The following TCF12 variants were observed in gnomAD, a reference collection of about 807,000 sequenced individuals.
TCF12 encodes transcription factor 12.
A neutral mutation model predicts 86.0 loss-of-function variants in TCF12; 45 were observed. That is an observed-to-expected ratio of 0.52 (90% CI 0.41 to 0.67). The LOEUF is 0.67. Ranked by LOEUF, TCF12 falls within the 30% of genes least tolerant of loss-of-function variation. The pLI, the probability that TCF12 is intolerant of heterozygous loss-of-function variation, is 0.00. For synonymous variants in TCF12, 330 were observed against 299.6 expected, an observed-to-expected ratio of 1.10 and a Z score of -1.05; for missense variants, 881 against 859.9, an observed-to-expected ratio of 1.02 and a Z score of -0.31.
chr15:57,265,447 A>T (rs78592847), intron 18 of TCF12, among the ~76,000 whole-genome samples: 1,895 of 152,140 alleles, frequency 0.012, 18 homozygotes, highest in Non-Finnish European at 0.018. Flanking sequence ...GATTGTTTCT[A>T]CCTTGCTCCC....
At chr15:57,015,187 C>A (rs2065083273) in intron 3 of TCF12, among the ~76,000 whole-genome samples, 1 of 152,098 alleles carries the variant, frequency 6.6e-6, no homozygotes, top group African/African-American at 2.4e-5. Flanking sequence ...ACTCAGGAGG[C>A]TGAGGTGGGA....
chr15:56,961,397 G>A (rs990121835), intron 3 of TCF12, among the ~76,000 whole-genome samples: 7 of 152,266 alleles, frequency 4.6e-5, no homozygotes, highest in Non-Finnish European at 8.8e-5. Flanking sequence ...CCATTTTTAA[G>A]TATCAGGTAT....
intron 8 of TCF12, among the ~76,000 whole-genome samples, chr15:57,204,969 T>C (rs1423845420): frequency 6.6e-6 from 1 of 151,578 alleles, no homozygotes; most frequent in Admixed American, 6.6e-5. Flanking sequence ...GTGAGTAGAG[T>C]CGTATGGAAG....
intron 8 of TCF12, among the ~76,000 whole-genome samples, chr15:57,216,259 T>G (rs762766379): frequency 6.6e-6 from 1 of 152,166 alleles, no homozygotes; most frequent in Non-Finnish European, 1.5e-5. Context: ...CAGGGTCCTC[T>G]GGCATTTTCA....
intron 3 of TCF12, among the ~76,000 whole-genome samples, chr15:57,027,856 C>G (rs1341806910): frequency 2.0e-5 from 3 of 152,208 alleles, no homozygotes; most frequent in Non-Finnish European, 4.4e-5. Context: ...TGCACACGCT[C>G]TCTTGCCTGC....
chr15:56,977,239 T>G (rs527963514), intron 3 of TCF12, among the ~76,000 whole-genome samples: 146 of 152,260 alleles, frequency 9.6e-4, no homozygotes, highest in Non-Finnish European at 1.5e-3. Context: ...TTGTTTGTTT[T>G]TTTAAATAAA....
intron 3 of TCF12, among the ~76,000 whole-genome samples, chr15:57,014,323 GT>G (rs1197271144): frequency 6.6e-6 from 1 of 152,096 alleles, no homozygotes; most frequent in East Asian, 1.9e-4. Context: ...CCACTCTACA[GT>G]GGGCTGTTAG....
At chr15:56,973,934 G>C (rs752806923) in intron 3 of TCF12, among the ~76,000 whole-genome samples, 6 of 152,086 alleles carry the variant, frequency 3.9e-5, no homozygotes, top group Non-Finnish European at 4.4e-5. Context: ...ACAGGCTCAC[G>C]TTAAAGGTCA....
chr15:56,927,397 T>G (rs1301327957), intron 3 of TCF12, among the ~76,000 whole-genome samples: 7 of 152,250 alleles, frequency 4.6e-5, no homozygotes, highest in African/African-American at 1.7e-4. Context: ...ATTTCCTTTT[T>G]GTCTTTTTTT....
In TCF12 at chr15:57,252,332, T is replaced by C. The variant is rs1387210683; in HGVS notation, c.1189-89T>C. On this transcript the variant is annotated intron_variant, in intron 14 of 20. Coordinates refer to ENST00000333725, the MANE Select transcript of TCF12 (RefSeq NM_207037.2). ...TGGCGTTAACTTTACTAACATGTTA[T>C]GCTGACATGCATATCAGCTATTTCC... 6.6e-6 allele frequency: 6 copies of C among 911,978 alleles called. No homozygotes were observed. In the African/African-American group the frequency reaches 9.9e-5, roughly 15 times the overall value. The allele number at this position is 911,978 out of a possible 1,614,324, so 56.5% of individuals were successfully genotyped here.
intron 5 of TCF12, among the ~76,000 whole-genome samples, chr15:57,117,111 T>C (rs76262074): frequency 6.6e-6 from 1 of 152,246 alleles, no homozygotes; most frequent in East Asian, 1.9e-4. Context: ...CCTTTTTTTT[T>C]TTCTTTCTTT....
At chr15:56,978,286 T>C (rs2062713347) in intron 3 of TCF12, among the ~76,000 whole-genome samples, 1 of 152,150 alleles carries the variant, frequency 6.6e-6, no homozygotes, top group South Asian at 2.1e-4. Flanking sequence ...GAATACATAA[T>C]ATAAAGAAAA....
chr15:57,170,745 T>TATTATATATAATA (rs1342153770), intron 6 of TCF12, among the ~76,000 whole-genome samples: 2 of 31,460 alleles, frequency 6.4e-5, no homozygotes, highest in African/African-American at 3.0e-4. Context: ...ATAATATATA[T>TATTATATATAATA]TATATATTAT....
At chr15:57,123,850 C>T (rs1009391387) in intron 5 of TCF12, among the ~76,000 whole-genome samples, 9 of 151,700 alleles carry the variant, frequency 5.9e-5, no homozygotes, top group Non-Finnish European at 1.3e-4. Flanking sequence ...GTCCAAGCTA[C>T]GCAGGAGGCT....
intron 3 of TCF12, among the ~76,000 whole-genome samples, chr15:57,058,199 A>G (rs2068183750): frequency 6.6e-6 from 1 of 152,194 alleles, no homozygotes; most frequent in Non-Finnish European, 1.5e-5. Flanking sequence ...CCTGGCCATC[A>G]GGCAGTTTCT....
At chr15:57,140,353 A>G (rs1176408468) in intron 5 of TCF12, among the ~76,000 whole-genome samples, 1 of 152,230 alleles carries the variant, frequency 6.6e-6, no homozygotes, top group Non-Finnish European at 1.5e-5. Flanking sequence ...ATTTCTGTGA[A>G]GTACCTAGAG....
At chr15:57,208,567 T>G (rs2057964125) in intron 8 of TCF12, among the ~76,000 whole-genome samples, 1 of 150,966 alleles carries the variant, frequency 6.6e-6, no homozygotes. Context: ...ATTTTTTTTG[T>G]AGAAACAGGG....
intron 6 of TCF12, among the ~76,000 whole-genome samples, chr15:57,176,772 A>G (rs1266494440): frequency 2.0e-5 from 3 of 152,212 alleles, no homozygotes; most frequent in Non-Finnish European, 2.9e-5. Flanking sequence ...AAAAAAGGTC[A>G]AGATATTGGT....
chr15:56,975,233 T>A (rs2062540164), intron 3 of TCF12, among the ~76,000 whole-genome samples: 1 of 152,180 alleles, frequency 6.6e-6, no homozygotes, highest in African/African-American at 2.4e-5. Context: ...GGCCATGATC[T>A]AATAATAAGG....
Sources: gnomAD v4.1 joint callset for allele counts (sites outside exome capture counted in the v4.1 genomes callset) on GRCh38, gnomAD v4.1.1 for gene constraint, MANE v1.5 for transcripts, NCBI Gene and HGNC (gene_info 2026-07-23, HGNC 2026-07-21) for gene names.